CDH18: variants seen among roughly 807,000 people sequenced by gnomAD.
CDH18 encodes cadherin-18.
Under a neutral mutation model 67.9 loss-of-function variants are expected in CDH18, and 31 were observed. The observed-to-expected ratio is 0.46, with a 90% CI of 0.34 to 0.62. The LOEUF is 0.62. Among genes scored for constraint, CDH18 ranks in the 20% least tolerant of loss-of-function variants. The pLI is 0.01. For missense variants in CDH18, 890 were observed against 975.5 expected, an observed-to-expected ratio of 0.91 and a Z score of 1.17; for synonymous variants, 362 against 347.2, an observed-to-expected ratio of 1.04 and a Z score of -0.48.
intron 2 of CDH18, among the ~76,000 whole-genome samples, chr5:19,957,965 C>A (rs1796417589): frequency 6.6e-6 from 1 of 151,882 alleles, no homozygotes; most frequent in Admixed American, 6.6e-5. Flanking sequence ...CTTTTATGAC[C>A]AAGTATAACA....
intron 2 of CDH18, among the ~76,000 whole-genome samples, chr5:19,882,887 A>G (rs1787801473): frequency 6.6e-6 from 1 of 152,228 alleles, no homozygotes; most frequent in Admixed American, 6.5e-5. Context: ...GTTATCAGGT[A>G]TCAAGATATC....
chr5:19,593,332 T>C (rs961704331), intron 6 of CDH18, among the ~76,000 whole-genome samples: 8 of 152,228 alleles, frequency 5.3e-5, no homozygotes, highest in South Asian at 4.1e-4. Flanking sequence ...TACTTTTCTG[T>C]CATTGGCTTT....
At chr5:20,136,928 G>C (rs1262037802) in intron 2 of CDH18, among the ~76,000 whole-genome samples, 1 of 152,126 alleles carries the variant, frequency 6.6e-6, no homozygotes, top group Non-Finnish European at 1.5e-5. Flanking sequence ...CCACTCTCTT[G>C]TGGCTTGTAG....
intron 2 of CDH18, among the ~76,000 whole-genome samples, chr5:20,182,877 T>C (rs908358331): frequency 3.9e-5 from 6 of 152,008 alleles, no homozygotes; most frequent in South Asian, 2.1e-4. Flanking sequence ...TATTTTGTTA[T>C]AGTAGCAAAA....
intron 2 of CDH18, among the ~76,000 whole-genome samples, chr5:20,114,828 T>G (rs1169489864): frequency 3.3e-5 from 5 of 152,034 alleles, no homozygotes; most frequent in Non-Finnish European, 7.4e-5. Flanking sequence ...GCCAGAATCG[T>G]CTCTCACTTT....
chr5:20,565,748 C>T (rs971966164), intron 1 of CDH18, among the ~76,000 whole-genome samples: 5 of 108,258 alleles, frequency 4.6e-5, no homozygotes, highest in Admixed American at 3.9e-4. Context: ...CCTCCTTGTA[C>T]GTTATGATAA....
At chr5:20,113,893 T>C (rs1747680312) in intron 2 of CDH18, among the ~76,000 whole-genome samples, 1 of 152,176 alleles carries the variant, frequency 6.6e-6, no homozygotes, top group African/African-American at 2.4e-5. Flanking sequence ...AGGCAAAAGA[T>C]AATTATATAA....
At chr5:20,555,479 T>A (rs1367369839) in intron 1 of CDH18, among the ~76,000 whole-genome samples, 1 of 133,296 alleles carries the variant, frequency 7.5e-6, no homozygotes, top group Non-Finnish European at 1.6e-5. Flanking sequence ...ATTCTCTCAC[T>A]TTGTCACCAG....
At chr5:20,415,833 T>G (rs1002311981) in intron 1 of CDH18, among the ~76,000 whole-genome samples, 2 of 151,910 alleles carry the variant, frequency 1.3e-5, no homozygotes, top group Non-Finnish European at 2.9e-5. Context: ...TCTTACAACC[T>G]GCAACAATGT....
chr5:20,158,565 T>G (rs1751734314), intron 2 of CDH18: 1 of 153,420 alleles, frequency 6.5e-6, no homozygotes, highest in Non-Finnish European at 1.5e-5. Flanking sequence ...TAGTAAATGT[T>G]TTCATAAATT....
At chr5:20,320,699 C>T (rs1004703622) in intron 1 of CDH18, among the ~76,000 whole-genome samples, 5 of 152,170 alleles carry the variant, frequency 3.3e-5, no homozygotes, top group Non-Finnish European at 7.4e-5. Flanking sequence ...GGGGCCAACA[C>T]ACCTTAGTCC....
chr5:19,785,679 A>AATAT lies in CDH18; in HGVS notation c.229-38447_229-38444dup, dbSNP rs869169879. Among the ~76,000 whole-genome samples, 113 of 28,108 alleles carry AATAT rather than the reference A, an allele frequency of 4.0e-3. 1 individual carries two copies. The highest frequency in any genetic ancestry group is 5.3e-3 in the South Asian group (2 of 376). The allele number at this position is 28,108 out of a possible 152,430, so 18.4% of individuals were successfully genotyped here. A position where few individuals can be genotyped will look rare whatever the true frequency, so the allele number is the denominator to read the frequency against. ...CAAAAAAAAAAAAAAAAAAAAAAAA[A>AATAT]ATATATATATATATATATATATATA... On this transcript the variant is annotated intron_variant, in intron 3 of 12. Transcript: ENST00000382275.
chr5:19,677,464 A>AATACATAGTACATTAGTACAT (rs771840642), intron 5 of CDH18, among the ~76,000 whole-genome samples: 66 of 152,134 alleles, frequency 4.3e-4, no homozygotes, highest in Non-Finnish European at 6.2e-4. Context: ...AAACACATTT[A>AATACATAGTACATTAGTACAT]AGTACATAGT....
At chr5:20,214,050 A>G (rs951158563) in intron 2 of CDH18, among the ~76,000 whole-genome samples, 41 of 152,098 alleles carry the variant, frequency 2.7e-4, no homozygotes, top group African/African-American at 9.9e-4. Context: ...AACAGCAGTC[A>G]AGCCAAGAGC....
intron 2 of CDH18, among the ~76,000 whole-genome samples, chr5:20,208,105 A>G (rs951442635): frequency 6.6e-6 from 1 of 152,124 alleles, no homozygotes; most frequent in Non-Finnish European, 1.5e-5. Context: ...AGTAAATTAT[A>G]AGGAAAAGAG....
intron 4 of CDH18, among the ~76,000 whole-genome samples, chr5:19,722,021 C>G (rs1003887489): frequency 6.6e-6 from 1 of 151,992 alleles, no homozygotes; most frequent in Admixed American, 6.6e-5. Flanking sequence ...AGTCACATAA[C>G]TGGTCTCCTT....
chr5:20,189,198 T>C (rs1347988763), intron 2 of CDH18, among the ~76,000 whole-genome samples: 1 of 152,106 alleles, frequency 6.6e-6, no homozygotes, highest in African/African-American at 2.4e-5. Context: ...TTTTTGATCA[T>C]TGGAGCTTAA....
intron 2 of CDH18, among the ~76,000 whole-genome samples, chr5:19,900,536 G>A (rs1789833264): frequency 6.6e-6 from 1 of 152,068 alleles, no homozygotes; most frequent in African/African-American, 2.4e-5. Context: ...ATGTGTACAT[G>A]TATTAAAACA....
In CDH18 at chr5:19,822,846, A is replaced by G. The variant is rs141787488; in HGVS notation, c.228+15913T>C. ...CAACTGGTCTGACCAAAAATTTATT[A>G]GGCGGGAATTTTCTTGTCCTAATAA... On this transcript the variant is annotated intron_variant, in intron 3 of 12. Transcript: ENST00000382275. 5.5e-3 allele frequency among the ~76,000 whole-genome samples: 836 copies of G among 152,300 alleles called. 3 individuals are homozygous for G. The highest frequency in any genetic ancestry group is 0.011 in the South Asian group (53 of 4,824).
Sources: allele counts gnomAD v4.1 joint callset (sites outside exome capture counted in the v4.1 genomes callset), GRCh38; gene constraint gnomAD v4.1.1; transcripts MANE v1.5; gene names NCBI Gene and HGNC (gene_info 2026-07-23, HGNC 2026-07-21).